Variants in FOXP2 observed in about 807,000 individuals in gnomAD.
FOXP2 encodes forkhead box P2.
A neutral mutation model predicts 115.8 loss-of-function variants in FOXP2; 12 were observed. That is an observed-to-expected ratio of 0.10 (90% CI 0.07 to 0.17). FOXP2 has a LOEUF of 0.17. FOXP2 is among the 10% of genes least tolerant of loss of function. The pLI is 1.00. For missense variants in FOXP2, 629 were observed against 843.5 expected, an observed-to-expected ratio of 0.75 and a Z score of 3.15; for synonymous variants, 328 against 297.7, an observed-to-expected ratio of 1.10 and a Z score of -1.05.
At chr7:114,377,974 C>T (rs1037204618) in intron 2 of FOXP2, among the ~76,000 whole-genome samples, 2 of 152,122 alleles carry the variant, frequency 1.3e-5, no homozygotes, top group African/African-American at 2.4e-5. Context: ...TCCCCTCTCT[C>T]CCTCTCCTTA....
At chr7:114,180,940 A>C (rs1263337590) in intron 1 of FOXP2, among the ~76,000 whole-genome samples, 2 of 151,868 alleles carry the variant, frequency 1.3e-5, no homozygotes, top group Non-Finnish European at 2.9e-5. Flanking sequence ...AGTAATTTTT[A>C]TTTTCTGCTT....
chr7:114,099,243 A>C (rs1268704708), intron 1 of FOXP2, among the ~76,000 whole-genome samples: 2 of 152,240 alleles, frequency 1.3e-5, no homozygotes, highest in East Asian at 1.9e-4. Context: ...CAAAGAAGAC[A>C]AAGAAATGGC....
intron 1 of FOXP2, among the ~76,000 whole-genome samples, chr7:114,266,358 T>G (rs752228948): frequency 3.9e-5 from 6 of 152,124 alleles, no homozygotes; most frequent in African/African-American, 7.2e-5. Context: ...ACTGGATAAT[T>G]TATAAAGAGG....
chr7:114,145,476 C>CTTTTCTTTTT (rs1792344977), intron 1 of FOXP2, among the ~76,000 whole-genome samples: 1 of 139,408 alleles, frequency 7.2e-6, no homozygotes, highest in Non-Finnish European at 1.5e-5. Context: ...CTTTTCTTTT[C>CTTTTCTTTTT]TTTTCTTTTC....
intron 3 of FOXP2, chr7:114,570,701 GATA>G (rs1474639423): frequency 2.4e-6 from 2 of 837,922 alleles, no homozygotes; most frequent in African/African-American, 1.7e-5. Context: ...GACCTACCAA[GATA>G]ATAATTCCAA....
At chr7:114,217,496 C>CT (rs893045688) in intron 1 of FOXP2, among the ~76,000 whole-genome samples, 9 of 149,888 alleles carry the variant, frequency 6.0e-5, no homozygotes, top group Admixed American at 1.3e-4. Context: ...TCATGAGACA[C>CT]TTTTTTTTTT....
chr7:114,470,644 T>C (rs1796003827), intron 2 of FOXP2, among the ~76,000 whole-genome samples: 1 of 152,168 alleles, frequency 6.6e-6, no homozygotes, highest in Non-Finnish European at 1.5e-5. Flanking sequence ...AGAGGCTTCT[T>C]ATTAAGATCA....
At chr7:114,537,396 T>C (rs1189006510) in intron 3 of FOXP2, among the ~76,000 whole-genome samples, 1 of 151,600 alleles carries the variant, frequency 6.6e-6, no homozygotes, top group African/African-American at 2.4e-5. Flanking sequence ...TTTTTTATTT[T>C]GAAGTATAGT....
At chr7:114,530,743 T>C (rs1289809990) in intron 2 of FOXP2, among the ~76,000 whole-genome samples, 1 of 151,878 alleles carries the variant, frequency 6.6e-6, no homozygotes, top group East Asian at 1.9e-4. Flanking sequence ...GGTTCATAAC[T>C]AGCATAAAAT....
chr7:114,358,500 G>T (rs1336584146), intron 2 of FOXP2, among the ~76,000 whole-genome samples: 3 of 152,146 alleles, frequency 2.0e-5, no homozygotes, highest in African/African-American at 7.2e-5. Context: ...ATGTGGGAAA[G>T]TTTGGATTTC....
At chr7:114,500,662 A>G (rs1309242387) in intron 2 of FOXP2, among the ~76,000 whole-genome samples, 1 of 152,210 alleles carries the variant, frequency 6.6e-6, no homozygotes, top group Non-Finnish European at 1.5e-5. Context: ...GAGGCGTCTA[A>G]GACTACTTGC....
chr7:114,113,756 G>C (rs1406269326), intron 1 of FOXP2, among the ~76,000 whole-genome samples: 1 of 152,026 alleles, frequency 6.6e-6, no homozygotes, highest in Admixed American at 6.6e-5. Flanking sequence ...CTCCTGCCTT[G>C]ACCTCCCAAA....
In FOXP2 at chr7:114,346,986, T is replaced by G. The variant is rs192308926; in HGVS notation, c.-11+58877T>G. Among the ~76,000 whole-genome samples the G allele has an allele frequency of 1.4e-3, 217 of 151,998 alleles. 1 individual carries two copies. The highest frequency in any genetic ancestry group is 4.8e-3 in the African/African-American group (200 of 41,504). On this transcript the variant is annotated intron_variant, in intron 2 of 17. Transcript: ENST00000634411. ...CAGATATGTATTGAAATATCAGATT[T>G]TAGCCCATAAACGTAGAATTACAAG... is the stretch of plus-strand genomic sequence containing the variant.
chr7:114,188,016 C>T (rs1318155594), intron 1 of FOXP2, among the ~76,000 whole-genome samples: 1 of 152,100 alleles, frequency 6.6e-6, no homozygotes, highest in Non-Finnish European at 1.5e-5. Context: ...ATTACAATGG[C>T]AATTACATTT....
chr7:114,687,753 C>T (rs1186550083), intron 16 of FOXP2, among the ~76,000 whole-genome samples: 2 of 152,078 alleles, frequency 1.3e-5, no homozygotes, highest in Admixed American at 1.3e-4. Flanking sequence ...CTTTCTTTGT[C>T]ATAAAGCTCA....
intron 3 of FOXP2, chr7:114,570,776 G>A (rs900359607): frequency 6.4e-7 from 1 of 1,564,398 alleles, no homozygotes; most frequent in African/African-American, 1.4e-5. Flanking sequence ...TGAAAAAAAA[G>A]CCAACTCCTG....
At chr7:114,613,893 G>C (rs567144005) in intron 3 of FOXP2, 2 of 151,836 alleles carry the variant, frequency 1.3e-5, no homozygotes, top group African/African-American at 4.8e-5. Flanking sequence ...ATTCAGAGTG[G>C]TATGGCCATA....
At chr7:114,687,409 A>G (rs1408029973) in intron 16 of FOXP2, among the ~76,000 whole-genome samples, 1 of 152,218 alleles carries the variant, frequency 6.6e-6, no homozygotes, top group East Asian at 1.9e-4. Flanking sequence ...TCAAAGATAC[A>G]TAGTACACAT....
chr7:114,099,005 TG>T (rs1334141810), intron 1 of FOXP2, among the ~76,000 whole-genome samples: 1 of 151,958 alleles, frequency 6.6e-6, no homozygotes. Flanking sequence ...CATGGTGGCT[TG>T]TGCCTGTGAT....
Sources: allele counts gnomAD v4.1 joint callset (sites outside exome capture counted in the v4.1 genomes callset), GRCh38; gene constraint gnomAD v4.1.1; transcripts MANE v1.5; gene names NCBI Gene and HGNC (gene_info 2026-07-23, HGNC 2026-07-21).